Variants in RNF150 observed in about 807,000 individuals in gnomAD.
The protein encoded by RNF150 is ring finger protein 150.
Under a neutral mutation model 39.3 loss-of-function variants are expected in RNF150, and 24 were observed. The observed-to-expected ratio is 0.61, with a 90% CI of 0.44 to 0.86. RNF150 has a LOEUF of 0.86. Ranked by LOEUF, RNF150 falls within the 40% of genes least tolerant of loss-of-function variation. The probability of loss-of-function intolerance (pLI) is 0.00; values close to 1 mark genes in which losing one functional copy is unlikely to be tolerated. For synonymous variants in RNF150, 255 were observed against 227.3 expected (o/e 1.12, Z -1.10); for missense variants, 502 against 587.8 (o/e 0.85, Z 1.51).
At chr4:141,051,938 G>A (rs1347761957) in intron 1 of RNF150, among the ~76,000 whole-genome samples, 1 of 152,162 alleles carries the variant, frequency 6.6e-6, no homozygotes, top group Non-Finnish European at 1.5e-5. Context: ...AAGAAAAAGA[G>A]GTTTAACGGA....
At chr4:141,086,577 T>C (rs1053774091) in intron 1 of RNF150, among the ~76,000 whole-genome samples, 3 of 152,044 alleles carry the variant, frequency 2.0e-5, no homozygotes, top group Non-Finnish European at 2.9e-5. Context: ...GCAAATAATC[T>C]TACTTCCTGG....
At chr4:141,091,541 T>C (rs543007283) in intron 1 of RNF150, among the ~76,000 whole-genome samples, 3 of 152,236 alleles carry the variant, frequency 2.0e-5, no homozygotes, top group African/African-American at 7.2e-5. Context: ...AACAGTTAAG[T>C]AGACTCCACT....
At chr4:140,938,374 T>C (rs542153391) in intron 4 of RNF150, among the ~76,000 whole-genome samples, 1 of 152,280 alleles carries the variant, frequency 6.6e-6, no homozygotes, top group South Asian at 2.1e-4. Flanking sequence ...GAGGCTGCCC[T>C]AGCCCCCTAA....
chr4:141,200,700 C>T, intron 1 of RNF150, among the ~76,000 whole-genome samples: 1 of 152,100 alleles, frequency 6.6e-6, no homozygotes, highest in East Asian at 1.9e-4. Flanking sequence ...CCATTGCAGG[C>T]TCTTCTGCAA....
intron 1 of RNF150, among the ~76,000 whole-genome samples, chr4:141,157,777 A>G (rs1426179903): frequency 2.6e-5 from 4 of 152,216 alleles, no homozygotes; most frequent in African/African-American, 7.2e-5. Flanking sequence ...CCACATATAG[A>G]AACAAGGCTT....
intron 1 of RNF150, among the ~76,000 whole-genome samples, chr4:141,156,097 G>A (rs923602632): frequency 1.3e-5 from 2 of 149,144 alleles, no homozygotes; most frequent in Non-Finnish European, 1.5e-5. Context: ...TGGCTGGAAG[G>A]AGGAGGAAAA....
intron 1 of RNF150, among the ~76,000 whole-genome samples, chr4:140,994,469 G>A (rs932751785): frequency 2.7e-4 from 41 of 150,658 alleles, no homozygotes; most frequent in African/African-American, 6.6e-4. Context: ...GTGTGTGCAC[G>A]CACACACACA....
intron 1 of RNF150, among the ~76,000 whole-genome samples, chr4:141,024,192 T>G (rs2110797276): frequency 6.6e-6 from 1 of 152,244 alleles, no homozygotes; most frequent in East Asian, 1.9e-4. Context: ...TTCAGATTTG[T>G]CTCTAGCAAT....
At chr4:140,978,102 A>G (rs574782227) in intron 1 of RNF150, among the ~76,000 whole-genome samples, 1 of 152,266 alleles carries the variant, frequency 6.6e-6, no homozygotes, top group South Asian at 2.1e-4. Flanking sequence ...TCATTCAGCA[A>G]CCAAATTGAT....
chr4:140,888,183 G>C (rs1729643583), intron 6 of RNF150, among the ~76,000 whole-genome samples: 1 of 152,154 alleles, frequency 6.6e-6, no homozygotes, highest in Non-Finnish European at 1.5e-5. Context: ...GGTCATAACT[G>C]GTATGTTGGG....
chr4:140,870,456 A>ATGTGTG (rs36234235), intron 6 of RNF150, among the ~76,000 whole-genome samples: 5 of 147,722 alleles, frequency 3.4e-5, no homozygotes, highest in East Asian at 4.0e-4. Flanking sequence ...TTGTGCGTGT[A>ATGTGTG]TGTGTGTGTG....
chr4:141,000,001 AGAAGAAGAAGAAGAAGAAGAAGAAGAAG>A (rs1734560041), intron 1 of RNF150, among the ~76,000 whole-genome samples: 14 of 30,354 alleles, frequency 4.6e-4, no homozygotes, highest in Admixed American at 1.6e-3. Flanking sequence ...GAAAAGAAGA[AGAAGAAGAAGAAGAAGAAGAAGAAGAAG>A]AAGAAGAAGA....
intron 1 of RNF150, among the ~76,000 whole-genome samples, chr4:141,200,807 T>C (rs1456816751): frequency 1.3e-5 from 2 of 152,182 alleles, no homozygotes; most frequent in East Asian, 3.9e-4. Flanking sequence ...AAATCTTGCC[T>C]TTTGGTTTTA....
intron 1 of RNF150, among the ~76,000 whole-genome samples, chr4:141,014,630 G>A (rs913249774): frequency 1.3e-5 from 1 of 75,216 alleles, no homozygotes; most frequent in African/African-American, 3.0e-5. Context: ...GGCCACATTT[G>A]CAACTCTTCT....
At chr4:140,973,963 T>A (rs2111439819) in intron 1 of RNF150, among the ~76,000 whole-genome samples, 1 of 151,490 alleles carries the variant, frequency 6.6e-6, no homozygotes, top group East Asian at 1.9e-4. Context: ...GATGGTGTCA[T>A]CTTATATAAT....
chr4:141,139,599 G>A (rs1486743463), intron 1 of RNF150, among the ~76,000 whole-genome samples: 1 of 152,236 alleles, frequency 6.6e-6, no homozygotes, highest in East Asian at 1.9e-4. Flanking sequence ...GAAGGCATCA[G>A]TAAATGTGTT....
chr4:141,035,723 T>C (rs1035173077), intron 1 of RNF150, among the ~76,000 whole-genome samples: 16 of 152,188 alleles, frequency 1.1e-4, no homozygotes, highest in Non-Finnish European at 1.9e-4. Flanking sequence ...TATGCAACTG[T>C]AGCTTCACAG....
chr4:141,166,971 G>T (rs1384776943), intron 1 of RNF150, among the ~76,000 whole-genome samples: 2 of 152,046 alleles, frequency 1.3e-5, no homozygotes, highest in Non-Finnish European at 2.9e-5. Context: ...AAGAAACAAA[G>T]GGTATTCAAA....
chr4:141,172,429 G>A (rs1727745603), intron 1 of RNF150, among the ~76,000 whole-genome samples: 1 of 152,070 alleles, frequency 6.6e-6, no homozygotes, highest in Admixed American at 6.6e-5. Context: ...ATGTGGATGG[G>A]GTGAAAAATT....
Sources: gnomAD v4.1 joint callset for allele counts (sites outside exome capture counted in the v4.1 genomes callset) on GRCh38, gnomAD v4.1.1 for gene constraint, MANE v1.5 for transcripts, NCBI Gene and HGNC (gene_info 2026-07-23, HGNC 2026-07-21) for gene names.